The following DLGAP1 variants were observed in gnomAD, a reference collection of about 807,000 sequenced individuals.
DLGAP1 encodes the protein disks large-associated protein 1.
In DLGAP1, 11 loss-of-function variants were observed where a neutral mutation model predicts 90.8. That is an observed-to-expected ratio of 0.12 (90% CI 0.08 to 0.20). DLGAP1 has a LOEUF of 0.20. DLGAP1 is among the 10% of genes least tolerant of loss of function. The pLI, the probability that DLGAP1 is intolerant of heterozygous loss-of-function variation, is 1.00. For synonymous variants in DLGAP1, 558 were observed against 540.7 expected, an observed-to-expected ratio of 1.03 and a Z score of -0.44; for missense variants, 1,050 against 1,333.8, an observed-to-expected ratio of 0.79 and a Z score of 3.31.
At position 4,057,004 on chromosome 18, in the gene DLGAP1, T is replaced by C. The variant is rs868084533; in HGVS notation, c.-158-51803A>G. On this transcript the variant is annotated intron_variant, in intron 2 of 12. Transcript: ENST00000315677. The stretch of plus-strand genomic sequence containing the variant: ...GCATTTATTAGCAACTGACCATACA[T>C]ACACACACACACACACACACACACA... Among the ~76,000 whole-genome samples, 593 of 115,050 alleles carry C rather than the reference T, an allele frequency of 5.2e-3. 4 individuals carry two copies. Among genetic ancestry groups the C allele is most frequent in the South Asian group, 8.2e-3 (23 of 2,814 alleles). The allele number at this position is 115,050 out of a possible 152,430, so 75.5% of individuals were successfully genotyped here.
rs939126388 is a variant in DLGAP1 at position 4,356,672 on chromosome 18, A to G, written c.-267+98334T>C. Among the ~76,000 whole-genome samples, 7 of 152,160 alleles carry G rather than the reference A, an allele frequency of 4.6e-5. No homozygotes were observed. In the South Asian group the frequency reaches 1.2e-3, roughly 27 times the overall value. ...TATCTCTTGACTGGATTCTTGAAATAGTTTTCTATGTTGCTACTCTGCCCT... is the reference window on the plus strand; with the variant it reads ...TATCTCTTGACTGGATTCTTGAAATGGTTTTCTATGTTGCTACTCTGCCCT... On this transcript the variant is annotated intron_variant, in intron 1 of 12. Coordinates refer to ENST00000315677, the MANE Select transcript of DLGAP1 (RefSeq NM_004746.4).
intron 2 of DLGAP1, among the ~76,000 whole-genome samples, chr18:4,127,705 C>T (rs1281382436): frequency 6.6e-6 from 1 of 152,050 alleles, no homozygotes; most frequent in Non-Finnish European, 1.5e-5. Context: ...TATTTTATTG[C>T]TAATTTGTCA....
intron 10 of DLGAP1, among the ~76,000 whole-genome samples, chr18:3,523,708 G>T (rs549926562): frequency 7.2e-5 from 11 of 152,054 alleles, no homozygotes; most frequent in Non-Finnish European, 2.9e-5. Context: ...TTAGCCAGGC[G>T]TGGTGGCGTG....
intron 1 of DLGAP1, among the ~76,000 whole-genome samples, chr18:4,241,541 T>A (rs1047076954): frequency 1.3e-5 from 2 of 152,182 alleles, no homozygotes; most frequent in South Asian, 4.1e-4. Context: ...AATGCAAACA[T>A]ACGATAGAAA....
chr18:4,056,021 G>C (rs1251112802), intron 2 of DLGAP1, among the ~76,000 whole-genome samples: 1 of 152,058 alleles, frequency 6.6e-6, no homozygotes, highest in Admixed American at 6.6e-5. Context: ...CGGGGAAGGG[G>C]AAAAATAGAG....
At chr18:3,806,026 C>T (rs2148368268) in intron 5 of DLGAP1, among the ~76,000 whole-genome samples, 1 of 152,292 alleles carries the variant, frequency 6.6e-6, no homozygotes, top group East Asian at 1.9e-4. Flanking sequence ...GACTTACACC[C>T]AGCTTGCTTC....
intron 3 of DLGAP1, among the ~76,000 whole-genome samples, chr18:3,884,769 G>A (rs2071266400): frequency 2.0e-5 from 3 of 152,124 alleles, no homozygotes; most frequent in Admixed American, 2.0e-4. Flanking sequence ...GTAACAAATT[G>A]CATCCAGAAT....
chr18:4,020,220 C>A (rs904171779), intron 2 of DLGAP1, among the ~76,000 whole-genome samples: 1 of 152,128 alleles, frequency 6.6e-6, no homozygotes, highest in African/African-American at 2.4e-5. Flanking sequence ...GCATGTCCAA[C>A]CCCCGACTTC....
chr18:4,073,737 T>A (rs1012115006), intron 2 of DLGAP1, among the ~76,000 whole-genome samples: 66 of 152,176 alleles, frequency 4.3e-4, no homozygotes, highest in African/African-American at 1.4e-3. Context: ...TAGAAAAAAA[T>A]TTGACACTGA....
chr18:3,733,222 G>T (rs996996715), intron 6 of DLGAP1, among the ~76,000 whole-genome samples: 1 of 152,044 alleles, frequency 6.6e-6, no homozygotes. Context: ...GCAAATAAAC[G>T]TATTATGCTC....
chr18:4,081,669 TG>T (rs1466597486), intron 2 of DLGAP1, among the ~76,000 whole-genome samples: 1 of 152,222 alleles, frequency 6.6e-6, no homozygotes, highest in Non-Finnish European at 1.5e-5. Flanking sequence ...TAACTCATAT[TG>T]GAGGAAGAAA....
At chr18:4,362,003 T>C (rs893508572) in intron 1 of DLGAP1, among the ~76,000 whole-genome samples, 3 of 152,034 alleles carry the variant, frequency 2.0e-5, no homozygotes, top group African/African-American at 7.3e-5. Context: ...CACTAATCAG[T>C]AGGGAAATGA....
At chr18:4,282,501 TAGTA>T (rs1230082132) in intron 1 of DLGAP1, among the ~76,000 whole-genome samples, 2 of 151,852 alleles carry the variant, frequency 1.3e-5, no homozygotes, top group Admixed American at 6.6e-5. Context: ...AGAAACAAAA[TAGTA>T]AGTATGTACA....
intron 2 of DLGAP1, among the ~76,000 whole-genome samples, chr18:4,137,099 G>C (rs2076416967): frequency 6.6e-6 from 1 of 151,574 alleles, no homozygotes; most frequent in African/African-American, 2.4e-5. Context: ...CCCTTCCTGT[G>C]TCCATGTGTT....
At chr18:4,166,098 G>A (rs919412892) in intron 1 of DLGAP1, among the ~76,000 whole-genome samples, 4 of 152,126 alleles carry the variant, frequency 2.6e-5, no homozygotes, top group African/African-American at 9.7e-5. Flanking sequence ...ATTTGAGGTT[G>A]CAGTGAGCTA....
chr18:3,580,773 A>T, intron 8 of DLGAP1: 1 of 1,611,108 alleles, frequency 6.2e-7, no homozygotes, highest in South Asian at 1.1e-5. Context: ...GAGACTTTGC[A>T]GTGTGCATGG....
intron 5 of DLGAP1, among the ~76,000 whole-genome samples, chr18:3,777,576 G>GTT (rs541601063): frequency 8.6e-4 from 131 of 152,220 alleles, no homozygotes; most frequent in Admixed American, 3.8e-3. Flanking sequence ...AAGCAAAGCA[G>GTT]TTCTAAGCCT....
At chr18:3,500,102 A>T (rs1365736161) in intron 12 of DLGAP1, among the ~76,000 whole-genome samples, 2 of 152,156 alleles carry the variant, frequency 1.3e-5, no homozygotes. Context: ...GGGCCTCGGG[A>T]TAACTGTGGT....
intron 3 of DLGAP1, among the ~76,000 whole-genome samples, chr18:3,968,143 A>G (rs2073368366): frequency 6.6e-6 from 1 of 152,188 alleles, no homozygotes; most frequent in African/African-American, 2.4e-5. Context: ...AGGAGACATA[A>G]CTGCTCTAAT....
Sources: allele counts gnomAD v4.1 joint callset (sites outside exome capture counted in the v4.1 genomes callset), GRCh38; gene constraint gnomAD v4.1.1; transcripts MANE v1.5; gene names NCBI Gene and HGNC (gene_info 2026-07-23, HGNC 2026-07-21).